Variants in MTUS1 observed in about 807,000 individuals in gnomAD.
MTUS1 encodes microtubule associated scaffold protein 1, also known as microtubule-associated tumor suppressor 1.
In MTUS1, 109 loss-of-function variants were observed where a neutral mutation model predicts 120.8. That is an observed-to-expected ratio of 0.90 (90% CI 0.77 to 1.06). The LOEUF (loss-of-function observed/expected upper bound fraction) is 1.06, where lower values mean the gene tolerates loss of function less well. Among genes scored for constraint, MTUS1 ranks in the 50% least tolerant of loss-of-function variants. The probability of loss-of-function intolerance (pLI) is 0.00; values close to 1 mark genes in which losing one functional copy is unlikely to be tolerated. For synonymous variants in MTUS1, 737 were observed against 550.5 expected (o/e 1.34, Z -4.74); for missense variants, 2,210 against 1,486.3 (o/e 1.49, Z -8.01).
intron 6 of MTUS1, among the ~76,000 whole-genome samples, chr8:17,707,685 C>CAT (rs1426064237): frequency 1.3e-5 from 2 of 152,142 alleles, no homozygotes; most frequent in Non-Finnish European, 2.9e-5. Flanking sequence ...CCAGAATAGC[C>CAT]ATAACTATCT....
At position 17,790,240 on chromosome 8, in the gene MTUS1, C is replaced by A. The variant is rs139767202; in HGVS notation, c.-155+10821G>T. ...GCACACACCTGTAGTCCCAGCTACT[C>A]GGGAGGCTGAGGTAGGAGAACTGCT... On this transcript the variant is annotated intron_variant, in intron 1 of 14. Transcript: ENST00000693296. 3.9e-3 allele frequency among the ~76,000 whole-genome samples: 596 copies of A among 151,330 alleles called. 3 individuals carry two copies. Among genetic ancestry groups the A allele is most frequent in the African/African-American group, 0.014 (573 of 41,192 alleles).
chr8:17,704,588 C>T (rs533021256), intron 6 of MTUS1, among the ~76,000 whole-genome samples: 1 of 152,094 alleles, frequency 6.6e-6, no homozygotes. Context: ...CGTATATGCA[C>T]GGATTTATTT....
chr8:17,768,702 A>G (rs906733780), intron 1 of MTUS1, among the ~76,000 whole-genome samples: 1 of 152,188 alleles, frequency 6.6e-6, no homozygotes, highest in African/African-American at 2.4e-5. Flanking sequence ...ATAAGAAGAT[A>G]GAAGTCTCCT....
chr8:17,746,080 C>T (rs1340605580), intron 2 of MTUS1, among the ~76,000 whole-genome samples: 1 of 152,186 alleles, frequency 6.6e-6, no homozygotes, highest in Non-Finnish European at 1.5e-5. Flanking sequence ...GTCAATTAAA[C>T]CTCTTTTCTT....
chr8:17,679,116 G>A (rs1023536363), intron 7 of MTUS1, among the ~76,000 whole-genome samples: 6 of 138,672 alleles, frequency 4.3e-5, no homozygotes, highest in Non-Finnish European at 9.6e-5. Flanking sequence ...CATGGTAGTT[G>A]CAAGATTCTC....
In MTUS1 at chr8:17,649,872, T is replaced by C. The variant is rs760936074; in HGVS notation, c.3475A>G (p.Ile1159Val). 6.3e-6 allele frequency: 10 copies of C among 1,598,110 alleles called. No individual in the cohort carries two copies. The highest frequency in any genetic ancestry group is 1.3e-5 in the African/African-American group (1 of 74,632). Reference protein sequence around the residue: ...IKNEKLHQQDIKLMKMEKLVD... With the variant: ...IKNEKLHQQDVKLMKMEKLVD... ...AGTTTCTCCATTTTCATTAACTTGATGTCCTGTTGATGCAGTTTCTCATTC... is the reference window on the plus strand; with the variant it reads ...AGTTTCTCCATTTTCATTAACTTGACGTCCTGTTGATGCAGTTTCTCATTC... The change falls in exon 13 of 15, where the codon ATC (isoleucine) becomes GTC (valine). Residue 1159 changes from isoleucine to valine, a missense_variant. Physicochemically the swap from Ile to Val is conservative, Grantham distance 29. Coordinates refer to ENST00000693296, the MANE Select transcript of MTUS1 (RefSeq NM_001363059.2).
At chr8:17,728,656 G>A (rs908477012) in intron 3 of MTUS1, among the ~76,000 whole-genome samples, 2 of 152,198 alleles carry the variant, frequency 1.3e-5, no homozygotes, top group Non-Finnish European at 2.9e-5. Flanking sequence ...AGGAACACAG[G>A]TGGGAAGAAG....
At chr8:17,655,177 G>A (rs1394466831) in intron 9 of MTUS1, among the ~76,000 whole-genome samples, 1 of 150,666 alleles carries the variant, frequency 6.6e-6, no homozygotes, top group Non-Finnish European at 1.5e-5. Flanking sequence ...TAGGCACTCT[G>A]TAGATATTTA....
chr8:17,743,716 T>C lies in MTUS1; in HGVS notation c.2175A>G (p.Pro725=), dbSNP rs773213998. 1 of 1,614,232 alleles carries C rather than the reference T, an allele frequency of 6.2e-7. No homozygotes were observed. The highest frequency in any genetic ancestry group is 8.5e-7 in the Non-Finnish European group (1 of 1,180,038). ...AAACAGGGGGCCCCACTTTGGCTTT[T>C]GGAGCAGCTATTTGCCTCAAACCGC... ...DSCGLRQIAA[P]KAKVGPPVSC... Residue 725 remains proline, a synonymous_variant, in exon 3 of 15, where the codon CCA becomes CCG. Transcript: ENST00000693296.
In MTUS1 at chr8:17,755,540, T is replaced by C. The variant is rs763783511; in HGVS notation, c.268A>G (p.Ile90Val). 3.8e-5 allele frequency: 62 copies of C among 1,614,086 alleles called. No individual in the cohort carries two copies. The highest frequency in any genetic ancestry group is 5.1e-5 in the Non-Finnish European group (60 of 1,180,034). The change falls in exon 2 of 15, where the codon ATT becomes GTT. Residue 90 changes from isoleucine (I) to valine (V), a missense_variant. Physicochemically the swap from Ile to Val is conservative, Grantham distance 29 (BLOSUM62 3). Transcript: ENST00000693296. Reference sequence around the variant, plus strand: ...TGCATATCTAACACCTGCTTACTAATGAAATCACTAGAAGACTTTTCATGA... The same window carrying C: ...TGCATATCTAACACCTGCTTACTAACGAAATCACTAGAAGACTTTTCATGA... ...FGHEKSSSDFISKQVLDMHKD... is the reference protein window; with the variant it reads ...FGHEKSSSDFVSKQVLDMHKD...
intron 8 of MTUS1, among the ~76,000 whole-genome samples, chr8:17,673,042 C>T (rs1435851287): frequency 6.6e-6 from 1 of 152,228 alleles, no homozygotes; most frequent in Non-Finnish European, 1.5e-5. Flanking sequence ...GTAGGCTCAC[C>T]TCCACTTCCA....
At chr8:17,675,746 G>C (rs1417861699) in intron 7 of MTUS1, among the ~76,000 whole-genome samples, 2 of 152,116 alleles carry the variant, frequency 1.3e-5, no homozygotes, top group African/African-American at 4.8e-5. Flanking sequence ...TTGTTAGAAA[G>C]CTATAGCAGA....
chr8:17,656,153 C>T (rs1233252866), intron 8 of MTUS1, 88 bp from the exon 9 acceptor site: 9 of 1,147,398 alleles, frequency 7.8e-6, no homozygotes, highest in Non-Finnish European at 1.0e-5. Flanking sequence ...GCTGTGATGA[C>T]ACCTGAAGCA....
chr8:17,731,625 G>A (rs142136894), intron 3 of MTUS1, among the ~76,000 whole-genome samples: 1,721 of 151,928 alleles, frequency 0.011, 12 homozygotes, highest in South Asian at 0.028. Flanking sequence ...AGGAAACAAT[G>A]TATTTGACAA....
In MTUS1 at chr8:17,655,938, G is replaced by A. The variant is rs1181904618; in HGVS notation, c.3033C>T (p.Tyr1011=). 2.5e-6 allele frequency: 4 copies of A among 1,614,104 alleles called. No homozygotes were observed. The highest frequency in any genetic ancestry group is 3.4e-6 in the Non-Finnish European group (4 of 1,180,048). Residue 1011 remains tyrosine, a synonymous_variant, in exon 9 of 15, where the codon TAC becomes TAT. Transcript: ENST00000693296. ...TERENRLKEF[Y]TREYEKLRDT... ...CCCGAAGCTTTTCATACTCCCTGGT[G>A]TAAAACTCTTTAAGCCGATTCTCTC...
chr8:17,782,922 ACAAAAATTAG>A (rs1276814802), intron 1 of MTUS1, among the ~76,000 whole-genome samples: 1 of 152,172 alleles, frequency 6.6e-6, no homozygotes, highest in African/African-American at 2.4e-5. Context: ...TACTAAAAAT[ACAAAAATTAG>A]CCGGGTGTGG....
At chr8:17,743,923 T>C in intron 2 of MTUS1, 124 bp from the exon 3 acceptor site, 2 of 762,216 alleles carry the variant, frequency 2.6e-6, no homozygotes, top group East Asian at 2.6e-5. Context: ...GTTCAGGCCA[T>C]GATGGCAAAG....
chr8:17,765,185 G>A (rs1377977684), intron 1 of MTUS1, among the ~76,000 whole-genome samples: 2 of 152,136 alleles, frequency 1.3e-5, no homozygotes, highest in South Asian at 2.1e-4. Flanking sequence ...ACAGGAGGTG[G>A]AGCTCAGGCA....
At chr8:17,670,746 C>A (rs1292695439) in intron 8 of MTUS1, among the ~76,000 whole-genome samples, 2 of 151,922 alleles carry the variant, frequency 1.3e-5, no homozygotes, top group Non-Finnish European at 2.9e-5. Context: ...CTGCTTGAAC[C>A]CGGAAGGCAG....
Sources: allele counts gnomAD v4.1 joint callset (sites outside exome capture counted in the v4.1 genomes callset), GRCh38; gene constraint gnomAD v4.1.1; transcripts MANE v1.5; gene names NCBI Gene and HGNC (gene_info 2026-07-23, HGNC 2026-07-21).